MEGF11: variants seen among roughly 807,000 people sequenced by gnomAD.
MEGF11 encodes the protein multiple epidermal growth factor-like domains protein 11.
In MEGF11, 126 loss-of-function variants were observed where a neutral mutation model predicts 146.6. The ratio of observed to expected loss-of-function variants is 0.86; its 90% CI spans 0.74 to 1.00. MEGF11 has a LOEUF of 1.00. Among genes scored for constraint, MEGF11 ranks in the 50% least tolerant of loss-of-function variants. The pLI is 0.00. For missense variants in MEGF11, 1,509 were observed against 1,521.2 expected (o/e 0.99, Z 0.13); for synonymous variants, 532 against 583.4 (o/e 0.91, Z 1.27).
At chr15:66,016,412 ACGACCG>A (rs913741473) in intron 5 of MEGF11, among the ~76,000 whole-genome samples, 2 of 152,006 alleles carry the variant, frequency 1.3e-5, no homozygotes, top group African/African-American at 4.8e-5. Context: ...GAGTTTTCTA[ACGACCG>A]CAAAACAATT....
At chr15:66,197,309 G>T (rs2091032067) in intron 1 of MEGF11, among the ~76,000 whole-genome samples, 1 of 152,062 alleles carries the variant, frequency 6.6e-6, no homozygotes, top group Non-Finnish European at 1.5e-5. Flanking sequence ...ATAATCCCAG[G>T]CTCTGAGATG....
At chr15:66,079,268 T>A (rs1242194793) in intron 5 of MEGF11, among the ~76,000 whole-genome samples, 1 of 152,124 alleles carries the variant, frequency 6.6e-6, no homozygotes, top group Non-Finnish European at 1.5e-5. Context: ...ATGAGGACCC[T>A]CAGAAGGTCT....
intron 5 of MEGF11, among the ~76,000 whole-genome samples, chr15:66,021,917 G>A (rs2083149432): frequency 6.6e-6 from 1 of 152,216 alleles, no homozygotes; most frequent in Non-Finnish European, 1.5e-5. Context: ...AGAGTCTGAG[G>A]ATGACTTGCG....
At chr15:66,209,830 G>GCTT (rs113856716) in intron 1 of MEGF11, among the ~76,000 whole-genome samples, 1 of 145,672 alleles carries the variant, frequency 6.9e-6, no homozygotes, top group Non-Finnish European at 1.5e-5. Flanking sequence ...TGACAGAAAT[G>GCTT]TTTTTTTTTT....
chr15:66,225,661 A>G (rs1292186772), intron 1 of MEGF11, among the ~76,000 whole-genome samples: 1 of 152,126 alleles, frequency 6.6e-6, no homozygotes, highest in Non-Finnish European at 1.5e-5. Flanking sequence ...ATGCACATAT[A>G]AACAGCTTAC....
chr15:65,909,747 G>C lies in MEGF11; in HGVS notation c.2889C>G (p.Asn963Lys). ...TAGWTPYSYVNVLDSHFQISA... is the reference protein window; with the variant it reads ...TAGWTPYSYVKVLDSHFQISA... The stretch of plus-strand genomic sequence containing the variant: ...ACTCACACCACTACTGACCTAACAC[G>C]TTCACATAGCTGTAGGGGGTCCAGC... The change falls in exon 22 of 26, where the codon AAC (asparagine) becomes AAG (lysine). Residue 963 changes from asparagine to lysine, a missense_variant. Transcript: ENST00000395614. 1 of 1,579,600 alleles carries C rather than the reference G, an allele frequency of 6.3e-7. No homozygotes were observed. Among genetic ancestry groups the C allele is most frequent in the African/African-American group, 1.3e-5 (1 of 74,292 alleles).
At chr15:66,098,831 G>A (rs1408205784) in intron 4 of MEGF11, among the ~76,000 whole-genome samples, 1 of 152,220 alleles carries the variant, frequency 6.6e-6, no homozygotes, top group Admixed American at 6.5e-5. Flanking sequence ...GTACGTATTA[G>A]TGTGTGTCTG....
intron 1 of MEGF11, among the ~76,000 whole-genome samples, chr15:66,133,876 A>C (rs768861606): frequency 1.3e-5 from 2 of 152,324 alleles, no homozygotes; most frequent in East Asian, 3.9e-4. Flanking sequence ...AAAAATTCTC[A>C]GCGCCAATGT....
At chr15:66,004,911 A>G (rs953721851) in intron 5 of MEGF11, among the ~76,000 whole-genome samples, 1 of 152,158 alleles carries the variant, frequency 6.6e-6, no homozygotes, top group African/African-American at 2.4e-5. Context: ...AACTAGAATA[A>G]TAATCTTGTT....
intron 1 of MEGF11, among the ~76,000 whole-genome samples, chr15:66,217,770 G>A (rs565295103): frequency 6.6e-6 from 1 of 152,210 alleles, no homozygotes; most frequent in Non-Finnish European, 1.5e-5. Flanking sequence ...CACACAGCCA[G>A]TCCCTGGCAG....
At chr15:66,031,338 A>G (rs2083510950) in intron 5 of MEGF11, among the ~76,000 whole-genome samples, 1 of 152,204 alleles carries the variant, frequency 6.6e-6, no homozygotes, top group Admixed American at 6.5e-5. Context: ...TTTGTGAGAT[A>G]GGGCATAGAA....
chr15:66,109,039 C>T lies in MEGF11; in HGVS notation c.301+10047G>A, dbSNP rs57019100. 1.0e-3 allele frequency among the ~76,000 whole-genome samples: 154 copies of T among 152,314 alleles called. 2 individuals are homozygous for T. Among genetic ancestry groups the T allele is most frequent in the Middle Eastern group, 3.4e-3 (1 of 294 alleles). On this transcript the variant is annotated intron_variant, in intron 4 of 25. Coordinates refer to ENST00000395614, the MANE Select transcript of MEGF11 (RefSeq NM_001385028.1). ...TTAAGAAGCGATGCCTCAATCCTCCCACGGCTGTATCAGCACGAGGGGCCC... is the reference window on the plus strand; with the variant it reads ...TTAAGAAGCGATGCCTCAATCCTCCTACGGCTGTATCAGCACGAGGGGCCC...
At chr15:66,128,264 A>G in intron 2 of MEGF11, 42 bp downstream of exon 2, 11 of 1,330,736 alleles carry the variant, frequency 8.3e-6, no homozygotes, top group Non-Finnish European at 1.1e-5. Context: ...GCCCAGGGCG[A>G]TCCCCCAGAG....
intron 5 of MEGF11, among the ~76,000 whole-genome samples, chr15:65,988,134 A>G (rs1262635268): frequency 6.6e-6 from 1 of 151,476 alleles, no homozygotes; most frequent in Non-Finnish European, 1.5e-5. Context: ...CAGCCACCTG[A>G]GTAGCTGGGA....
chr15:66,156,664 C>T (rs2089771414), intron 1 of MEGF11, among the ~76,000 whole-genome samples: 1 of 152,144 alleles, frequency 6.6e-6, no homozygotes, highest in African/African-American at 2.4e-5. Context: ...TCCGTGCCCC[C>T]TTCCAGTTCC....
chr15:66,186,096 G>A (rs1227381549), intron 1 of MEGF11, among the ~76,000 whole-genome samples: 1 of 152,172 alleles, frequency 6.6e-6, no homozygotes, highest in Non-Finnish European at 1.5e-5. Flanking sequence ...GACATGGAAA[G>A]GAATGGATGC....
At chr15:66,227,818 G>C (rs543161624) in intron 1 of MEGF11, among the ~76,000 whole-genome samples, 1 of 152,176 alleles carries the variant, frequency 6.6e-6, no homozygotes. Context: ...GGCCACCCCA[G>C]CCCACTTAGA....
intron 1 of MEGF11, among the ~76,000 whole-genome samples, chr15:66,171,023 C>T (rs1195644941): frequency 6.6e-6 from 1 of 152,240 alleles, no homozygotes; most frequent in Non-Finnish European, 1.5e-5. Context: ...ACCCTGCCTC[C>T]CTCCCTCCCT....
At chr15:66,038,194 T>C (rs553987014) in intron 5 of MEGF11, among the ~76,000 whole-genome samples, 74 of 152,316 alleles carry the variant, frequency 4.9e-4, no homozygotes, top group African/African-American at 1.6e-3. Context: ...TTGAGGTGCA[T>C]ACCTGGCTTC....
Sources: allele counts gnomAD v4.1 joint callset (sites outside exome capture counted in the v4.1 genomes callset), GRCh38; gene constraint gnomAD v4.1.1; transcripts MANE v1.5; gene names NCBI Gene and HGNC (gene_info 2026-07-23, HGNC 2026-07-21).